Variants in NRG2 observed in about 807,000 individuals in gnomAD.
The protein encoded by NRG2 is pro-neuregulin-2, membrane-bound isoform.
NRG2 carries 27 observed loss-of-function variants against 73.9 expected under a neutral mutation model. That is an observed-to-expected ratio of 0.37 (90% CI 0.27 to 0.50). NRG2 has a LOEUF of 0.50. NRG2 is among the 20% of genes least tolerant of loss of function. The probability of loss-of-function intolerance (pLI) is 0.96; values close to 1 mark genes in which losing one functional copy is unlikely to be tolerated. For missense variants in NRG2, 1,126 were observed against 1,210.1 expected (o/e 0.93, Z 1.03); for synonymous variants, 532 against 541.0 (o/e 0.98, Z 0.23).
intron 5 of NRG2, among the ~76,000 whole-genome samples, chr5:139,864,132 CG>C (rs1762322405): frequency 6.6e-6 from 1 of 152,082 alleles, no homozygotes; most frequent in Non-Finnish European, 1.5e-5. Context: ...AAGAGGAGGT[CG>C]GGGGGCACGC....
intron 1 of NRG2, among the ~76,000 whole-genome samples, chr5:139,898,492 G>C (rs1252717386): frequency 6.6e-6 from 1 of 152,178 alleles, no homozygotes; most frequent in Admixed American, 6.5e-5. Flanking sequence ...GACCTCACCT[G>C]ACTGCACCAG....
chr5:139,848,115 G>A lies in NRG2; in HGVS notation c.2355C>T (p.Asp785=). The A allele has an allele frequency of 1.4e-6, 2 of 1,471,312 alleles. No individual in the cohort carries two copies. Among genetic ancestry groups the A allele is most frequent in the South Asian group, 1.3e-5 (1 of 77,764 alleles). The allele number at this position is 1,471,312 out of a possible 1,614,324, so 91.1% of individuals were successfully genotyped here. Residue 785 remains aspartate (D), a synonymous_variant, in exon 10 of 10, where the codon GAC becomes GAT. Coordinates refer to ENST00000361474, the MANE Select transcript of NRG2 (RefSeq NM_004883.3). ...GTGTGCTCTCGGCCGCCAGCGCCCC[G>A]TCCGCGTCGTCCGCGTCGTCGTCCG... ...SASDDDADDA[D]GALAAESTPF... is the part of the protein sequence containing the mutation.
chr5:139,966,928 G>A (rs1265603569), intron 1 of NRG2, among the ~76,000 whole-genome samples: 1 of 152,172 alleles, frequency 6.6e-6, no homozygotes, highest in South Asian at 2.1e-4. Context: ...GAGCTTACAG[G>A]AACTGCTCAA....
Position 139,848,039 on chromosome 5 carries a change from GC to G in NRG2, c.2430del (p.Pro811HisfsTer56). The G allele has an allele frequency of 6.6e-7, 1 of 1,508,374 alleles. No individual in the cohort carries two copies. Among genetic ancestry groups the G allele is most frequent in the Non-Finnish European group, 8.8e-7 (1 of 1,134,112 alleles). 93.4% of individuals were successfully genotyped at this position (1,508,374 alleles called of 1,614,324 possible). ...CTGCTGTCGGCCGCCGGGCACAGTGGCGGCGAGTCCGAGCGCAGCGCGTCGT... is the reference window on the plus strand; with the variant it reads ...CTGCTGTCGGCCGCCGGGCACAGTGGGGCGAGTCCGAGCGCAGCGCGTCGT... Reference protein sequence around the residue: ...GAHDALRSDSPPLCPAADSRT... With the variant: ...GAHDALRSDSXPLCPAADSRT... On this transcript the variant is annotated frameshift_variant, in exon 10 of 10. Coordinates refer to ENST00000361474, the MANE Select transcript of NRG2 (RefSeq NM_004883.3). LOFTEE classifies it high-confidence loss of function.
chr5:139,974,895 C>A (rs2126542479), intron 1 of NRG2, among the ~76,000 whole-genome samples: 1 of 152,330 alleles, frequency 6.6e-6, no homozygotes, highest in Non-Finnish European at 1.5e-5. Flanking sequence ...GGGGGACAGG[C>A]CCACAGAATG....
intron 1 of NRG2, among the ~76,000 whole-genome samples, chr5:139,961,536 G>A (rs911197902): frequency 2.0e-5 from 3 of 152,174 alleles, no homozygotes; most frequent in Non-Finnish European, 2.9e-5. Context: ...CCATCCCAGC[G>A]ACAGCAACCC....
intron 1 of NRG2, among the ~76,000 whole-genome samples, chr5:139,961,965 G>T (rs1755098703): frequency 1.3e-5 from 2 of 152,294 alleles, no homozygotes; most frequent in South Asian, 2.1e-4. Context: ...GCCTCCCAAG[G>T]TGTCTCCTCT....
intron 3 of NRG2, among the ~76,000 whole-genome samples, chr5:139,876,243 G>A (rs115487521): frequency 0.012 from 1,790 of 152,250 alleles, 28 homozygotes; most frequent in African/African-American, 0.041. Context: ...ATTATGTTAA[G>A]TATAAGAAGA....
In NRG2 at chr5:140,042,934, TGCTGCC is replaced by T; in HGVS notation, c.130_135del (p.Gly44_Ser45del). On this transcript the variant is annotated inframe_deletion, in exon 1 of 10. Coordinates refer to ENST00000361474, the MANE Select transcript of NRG2 (RefSeq NM_004883.3). ...CTGTTGTTGCTGCTGCTCCTGCTGC[TGCTGCC>T]GCTCTCGCTGCTGCTGCTGCTGCTG... 6.5e-7 allele frequency: 1 copy of T among 1,542,180 alleles called. No homozygotes were observed. Among genetic ancestry groups the T allele is most frequent in the Non-Finnish European group, 8.7e-7 (1 of 1,146,084 alleles).
At chr5:139,920,359 C>T (rs563571210) in intron 1 of NRG2, among the ~76,000 whole-genome samples, 4 of 152,272 alleles carry the variant, frequency 2.6e-5, no homozygotes, top group African/African-American at 9.6e-5. Flanking sequence ...TGCAGTATGT[C>T]GCCCAAATAA....
intron 1 of NRG2, among the ~76,000 whole-genome samples, chr5:139,938,904 GAAA>G (rs5871717): frequency 4.1e-5 from 2 of 49,034 alleles, no homozygotes; most frequent in Admixed American, 4.2e-4. Flanking sequence ...AAGAAAGAAA[GAAA>G]AGAAAGAAAG....
rs2127129913 is a variant in NRG2 at position 139,887,565 on chromosome 5, G to T, written c.701-54C>A. ...ACGGTGGTGGTAGGGGCAGTGCCAA[G>T]CATGAGTAGTGGAGAGTAAGGGCCA... On this transcript the variant is annotated intron_variant, in intron 1 of 9. Coordinates refer to ENST00000361474, the MANE Select transcript of NRG2 (RefSeq NM_004883.3). This position sits in a 1 kb window ranked among gnomAD's most constrained non-coding sequence, Gnocchi z 4.5. 3 of 1,552,350 alleles carry T rather than the reference G, an allele frequency of 1.9e-6. No individual in the cohort carries two copies. The highest frequency in any genetic ancestry group is 2.7e-6 in the Non-Finnish European group (3 of 1,131,036).
intron 1 of NRG2, 73 bp downstream of exon 1, chr5:140,042,280 CGGGCACCTGCAGCACCT>C: frequency 1.2e-6 from 1 of 839,642 alleles, no homozygotes; most frequent in South Asian, 3.9e-5. Flanking sequence ...CTGCCAGGCC[CGGGCACCTGCAGCACCT>C]CCCCGCCCCA....
At chr5:139,854,881 C>T (rs535037966) in intron 6 of NRG2, among the ~76,000 whole-genome samples, 6 of 151,572 alleles carry the variant, frequency 4.0e-5, no homozygotes, top group East Asian at 2.0e-4. Flanking sequence ...CTTGCTAGCT[C>T]GGCATCCAAG....
Position 139,937,045 on chromosome 5 carries a change from G to T in NRG2, c.701-49534C>A, listed in dbSNP as rs537497493. Among the ~76,000 whole-genome samples the T allele has an allele frequency of 6.6e-5, 10 of 152,316 alleles. No individual in the cohort carries two copies. In the South Asian group the frequency reaches 1.7e-3, roughly 25 times the overall value. On this transcript the variant is annotated intron_variant, in intron 1 of 9. Coordinates refer to ENST00000361474, the MANE Select transcript of NRG2 (RefSeq NM_004883.3). ...TCGAACTCCTGACCTCAGGTGATCC[G>T]CCTGCCTTGGCCTCCCAAACTGTTG...
chr5:139,988,892 A>C (rs1045832846), intron 1 of NRG2, among the ~76,000 whole-genome samples: 1 of 152,136 alleles, frequency 6.6e-6, no homozygotes, highest in Admixed American at 6.6e-5. Flanking sequence ...GGCAGAGGCC[A>C]TATGGGAAAT....
intron 1 of NRG2, among the ~76,000 whole-genome samples, chr5:139,989,660 GTTCA>G (rs1380588223): frequency 2.0e-5 from 3 of 151,808 alleles, no homozygotes; most frequent in Non-Finnish European, 4.4e-5. Flanking sequence ...TGTCACCACA[GTTCA>G]TTCATTCAAA....
At chr5:139,986,746 A>G (rs1208839740) in intron 1 of NRG2, among the ~76,000 whole-genome samples, 1 of 152,190 alleles carries the variant, frequency 6.6e-6, no homozygotes, top group Non-Finnish European at 1.5e-5. Context: ...TTGAAATGTG[A>G]TTAGTGGAAC....
At chr5:139,976,642 C>G (rs1175635864) in intron 1 of NRG2, among the ~76,000 whole-genome samples, 1 of 152,132 alleles carries the variant, frequency 6.6e-6, no homozygotes, top group Admixed American at 6.5e-5. Context: ...AGAAGAGACC[C>G]CAGGGTCATT....
Sources: allele counts gnomAD v4.1 joint callset (sites outside exome capture counted in the v4.1 genomes callset), GRCh38; gene constraint gnomAD v4.1.1; non-coding constraint Gnocchi (gnomAD v3.1); transcripts MANE v1.5; gene names NCBI Gene and HGNC (gene_info 2026-07-23, HGNC 2026-07-21).